SPATA12: variants seen among roughly 807,000 people sequenced by gnomAD.
SPATA12 encodes the protein spermatogenesis-associated protein 12.
For synonymous variants in SPATA12, 85 were observed against 89.2 expected (o/e 0.95, Z 0.26); for missense variants, 219 against 226.4 (o/e 0.97, Z 0.21).
chr3:57,067,989 C>CAA (rs113906945), intron 1 of SPATA12, among the ~76,000 whole-genome samples: 1 of 151,024 alleles, frequency 6.6e-6, no homozygotes, highest in African/African-American at 2.4e-5. Context: ...GACTCCGTCT[C>CAA]AAAAAAAACA....
At chr3:57,072,906 C>T (rs1262581523) in intron 1 of SPATA12, among the ~76,000 whole-genome samples, 1 of 151,938 alleles carries the variant, frequency 6.6e-6, no homozygotes, top group African/African-American at 2.4e-5. Context: ...ATTAGCAAGG[C>T]GCAGTGGCAG....
chr3:57,069,847 G>C (rs924685597), intron 1 of SPATA12, among the ~76,000 whole-genome samples: 4 of 152,132 alleles, frequency 2.6e-5, no homozygotes, highest in Non-Finnish European at 4.4e-5. Context: ...GTCTCGCTTT[G>C]CTGCCCAGGC....
chr3:57,074,184 A>T lies in SPATA12; in HGVS notation c.490A>T (p.Asn164Tyr). Reference sequence around the variant, plus strand: ...CAGTAGCACAGGGTGCAGCCGTTCAAACCAACTGACATTTACTGAGGGCTG... The same window carrying T: ...CAGTAGCACAGGGTGCAGCCGTTCATACCAACTGACATTTACTGAGGGCTG... ...EPSSTGCSRSNQLTFTEGCFV... is the reference protein window; with the variant it reads ...EPSSTGCSRSYQLTFTEGCFV... Residue 164 changes from asparagine (N) to tyrosine (Y), a missense_variant, in exon 2 of 2, where the codon AAC (asparagine) becomes TAC (tyrosine). Asn to Tyr is a moderately radical substitution (Grantham distance 143). Transcript: ENST00000334325. 6.2e-7 allele frequency: 1 copy of T among 1,614,170 alleles called. No individual in the cohort carries two copies. Among genetic ancestry groups the T allele is most frequent in the Non-Finnish European group, 8.5e-7 (1 of 1,180,030 alleles).
chr3:57,069,402 C>A (rs2107390404), intron 1 of SPATA12, among the ~76,000 whole-genome samples: 1 of 152,022 alleles, frequency 6.6e-6, no homozygotes, highest in Non-Finnish European at 1.5e-5. Flanking sequence ...CACACACACA[C>A]ACACACACAT....
chr3:57,061,239 G>C (rs1037499049), intron 1 of SPATA12, among the ~76,000 whole-genome samples: 3 of 152,122 alleles, frequency 2.0e-5, no homozygotes, highest in Non-Finnish European at 4.4e-5. Context: ...CTTTTCTCAT[G>C]TAGCATAATA....
chr3:57,060,856 C>T (rs1004727258), intron 1 of SPATA12, 70 bp downstream of exon 1: 1 of 151,292 alleles, frequency 6.6e-6, no homozygotes, highest in Non-Finnish European at 1.5e-5. Context: ...ACACCACCAC[C>T]ACTTCTTTTT....
chr3:57,067,676 A>C (rs1019640834), intron 1 of SPATA12, among the ~76,000 whole-genome samples: 2 of 150,476 alleles, frequency 1.3e-5, no homozygotes. Context: ...CTCTACAAAA[A>C]ATTTAAAAAA....
At chr3:57,062,810 A>G (rs1705303908) in intron 1 of SPATA12, among the ~76,000 whole-genome samples, 1 of 152,180 alleles carries the variant, frequency 6.6e-6, no homozygotes, top group South Asian at 2.1e-4. Flanking sequence ...TAGAAGAATC[A>G]AATGGCTTTT....
rs567175919 is a variant in SPATA12, at chr3:57,063,070, G to A, written c.-330+2284G>A. Reference sequence around the variant, plus strand: ...GATGCAGTGGTAACGGTTTAGACACGATGACCAGGGAAGGCTGAAGGAAAT... The same window carrying A: ...GATGCAGTGGTAACGGTTTAGACACAATGACCAGGGAAGGCTGAAGGAAAT... On this transcript the variant is annotated intron_variant, in intron 1 of 1. Coordinates refer to ENST00000334325, the MANE Select transcript of SPATA12 (RefSeq NM_181727.2). Among the ~76,000 whole-genome samples, 346 of 152,344 alleles carry A rather than the reference G, an allele frequency of 2.3e-3. 5 individuals are homozygous for A. The highest frequency in any genetic ancestry group is 4.0e-3 in the Non-Finnish European group (272 of 68,036).
Position 57,063,482 on chromosome 3 carries a change from G to C in SPATA12, c.-330+2696G>C, listed in dbSNP as rs772211245. ...GGGAGAATGACCTGGAGGGTGGTAGGAGCGGGAGGGGAGCAGTGGCCACTC... is the reference window on the plus strand; with the variant it reads ...GGGAGAATGACCTGGAGGGTGGTAGCAGCGGGAGGGGAGCAGTGGCCACTC... On this transcript the variant is annotated intron_variant, in intron 1 of 1. Transcript: ENST00000334325. Among the ~76,000 whole-genome samples the C allele has an allele frequency of 5.4e-4, 82 of 152,262 alleles. 1 individual carries two copies. Among genetic ancestry groups the C allele is most frequent in the South Asian group, 4.1e-4 (2 of 4,820 alleles).
At chr3:57,067,994 A>C (rs1194579726) in intron 1 of SPATA12, among the ~76,000 whole-genome samples, 1 of 151,886 alleles carries the variant, frequency 6.6e-6, no homozygotes, top group African/African-American at 2.4e-5. Context: ...CGTCTCAAAA[A>C]AAACAAAAAC....
At chr3:57,067,380 A>C (rs1227987257) in intron 1 of SPATA12, among the ~76,000 whole-genome samples, 1 of 151,376 alleles carries the variant, frequency 6.6e-6, no homozygotes, top group Non-Finnish European at 1.5e-5. Flanking sequence ...GCGTGAACCC[A>C]GGAGGCAGAG....
At position 57,073,552 on chromosome 3, in the gene SPATA12, T is replaced by G. The variant is rs1287162356; in HGVS notation, c.-143T>G. The G allele has an allele frequency of 1.5e-6, 2 of 1,368,464 alleles. No homozygotes were observed. Among genetic ancestry groups the G allele is most frequent in the Non-Finnish European group, 1.9e-6 (2 of 1,038,044 alleles). 84.8% of individuals were successfully genotyped at this position (1,368,464 alleles called of 1,614,324 possible). ...CTCTGTTTGAGCACCCCGGGATGAT[T>G]GGTGGTGGGGTGTGGCTGAAGGTGA... On this transcript the variant is annotated 5_prime_UTR_variant, in exon 2 of 2. It adds an upstream start codon to the 5' untranslated region. Coordinates refer to ENST00000334325, the MANE Select transcript of SPATA12 (RefSeq NM_181727.2).
In SPATA12 at chr3:57,074,106, G is replaced by A. The variant is rs201843696; in HGVS notation, c.412G>A (p.Glu138Lys). Reference protein sequence around the residue: ...QFLGMEDGDNERTTGWLWRLC... With the variant: ...QFLGMEDGDNKRTTGWLWRLC... ...TCTTGGTATGGAAGATGGGGATAAT[G>A]AGAGGACCACAGGATGGTTGTGGAG... The change falls in exon 2 of 2, where the codon GAG (glutamate) becomes AAG (lysine). Residue 138 changes from glutamate (E) to lysine (K), a missense_variant. By Grantham distance (56) the Glu-to-Lys change is moderately conservative. Transcript: ENST00000334325. 7.5e-5 allele frequency: 121 copies of A among 1,613,864 alleles called. No homozygotes were observed. Among genetic ancestry groups the A allele is most frequent in the Middle Eastern group, 3.3e-4 (2 of 6,084 alleles).
intron 1 of SPATA12, among the ~76,000 whole-genome samples, chr3:57,066,924 A>T (rs1194266149): frequency 6.6e-6 from 1 of 152,104 alleles, no homozygotes; most frequent in Non-Finnish European, 1.5e-5. Flanking sequence ...CCTGGCCTCC[A>T]CAATCACATG....
chr3:57,069,628 A>G (rs1198937351), intron 1 of SPATA12, among the ~76,000 whole-genome samples: 3 of 142,912 alleles, frequency 2.1e-5, no homozygotes, highest in Non-Finnish European at 4.5e-5. Context: ...ACATAAGTAC[A>G]TGTCAGGGTG....
chr3:57,066,967 T>C lies in SPATA12; in HGVS notation c.-330+6181T>C, dbSNP rs77287429. ...TCCTAAAAATCAACCTCTCAATAGA[T>C]AGATGAGCGATTGATTGACACACAT... On this transcript the variant is annotated intron_variant, in intron 1 of 1. Transcript: ENST00000334325. Among the ~76,000 whole-genome samples, 1,515 of 152,232 alleles carry C rather than the reference T, an allele frequency of 1.0e-2. 28 individuals are homozygous for C. The highest frequency in any genetic ancestry group is 0.035 in the African/African-American group (1,433 of 41,520).
Position 57,073,520 on chromosome 3 carries a change from GGTT to G in SPATA12, c.-174_-172del. 2.9e-6 allele frequency: 3 copies of G among 1,024,316 alleles called. No individual in the cohort carries two copies. The highest frequency in any genetic ancestry group is 6.1e-5 in the Admixed American group (2 of 32,920). 63.5% of individuals were successfully genotyped at this position (1,024,316 alleles called of 1,614,324 possible). On this transcript the variant is annotated 5_prime_UTR_variant, in exon 2 of 2. Coordinates refer to ENST00000334325, the MANE Select transcript of SPATA12 (RefSeq NM_181727.2). ...CTCTGCAGTATCTGGGTGACTGTGGGGTTTGGCTCTGTTTGAGCACCCCGGGAT... is the reference window on the plus strand; with the variant it reads ...CTCTGCAGTATCTGGGTGACTGTGGGTGGCTCTGTTTGAGCACCCCGGGAT...
intron 1 of SPATA12, among the ~76,000 whole-genome samples, chr3:57,068,806 T>C (rs529055735): frequency 6.6e-6 from 1 of 152,224 alleles, no homozygotes; most frequent in South Asian, 2.1e-4. Flanking sequence ...CCCCTAACTT[T>C]CCATGTGCAC....
Sources: allele counts gnomAD v4.1 joint callset (sites outside exome capture counted in the v4.1 genomes callset), GRCh38; gene constraint gnomAD v4.1.1; transcripts MANE v1.5; gene names NCBI Gene and HGNC (gene_info 2026-07-23, HGNC 2026-07-21).